The following FARS2 variants were observed in gnomAD, a reference collection of about 807,000 sequenced individuals.
FARS2 encodes phenylalanine--tRNA ligase, mitochondrial.
FARS2 carries 40 observed loss-of-function variants against 46.4 expected under a neutral mutation model. The observed-to-expected ratio is 0.86, with a 90% CI of 0.67 to 1.12. FARS2 has a LOEUF of 1.12. Ranked by LOEUF, FARS2 falls within the 50% of genes most tolerant of loss-of-function variation. The pLI, the probability that FARS2 is intolerant of heterozygous loss-of-function variation, is 0.00. For missense variants in FARS2, 513 were observed against 567.9 expected, an observed-to-expected ratio of 0.90 and a Z score of 0.98; for synonymous variants, 234 against 214.9, an observed-to-expected ratio of 1.09 and a Z score of -0.78.
intron 1 of FARS2, among the ~76,000 whole-genome samples, chr6:5,319,669 G>T (rs958628658): frequency 6.6e-6 from 1 of 152,132 alleles, no homozygotes; most frequent in Non-Finnish European, 1.5e-5. Flanking sequence ...AGTTGCCTTG[G>T]TCTCTCACTC....
At chr6:5,405,480 C>CTTTTTTTTTTTTTTTTTTTTTTT (rs398000284) in intron 3 of FARS2, among the ~76,000 whole-genome samples, 6 of 58,952 alleles carry the variant, frequency 1.0e-4, no homozygotes, top group East Asian at 5.1e-4. Context: ...GAGCAAGGTT[C>CTTTTTTTTTTTTTTTTTTTTTTT]TTTTTTTTTT....
At chr6:5,735,064 C>T (rs1025481193) in intron 6 of FARS2, among the ~76,000 whole-genome samples, 3 of 152,152 alleles carry the variant, frequency 2.0e-5, no homozygotes, top group African/African-American at 7.2e-5. Flanking sequence ...TATTAAAATG[C>T]AAAACAGTAT....
intron 6 of FARS2, among the ~76,000 whole-genome samples, chr6:5,704,302 C>T (rs1485224821): frequency 6.6e-6 from 1 of 152,138 alleles, no homozygotes; most frequent in African/African-American, 2.4e-5. Flanking sequence ...CTCCAGGGCC[C>T]CTTTATAAAG....
intron 4 of FARS2, among the ~76,000 whole-genome samples, chr6:5,490,748 A>G (rs1328017370): frequency 6.6e-6 from 1 of 152,216 alleles, no homozygotes. Context: ...TATTGTGAGC[A>G]GCCTTATGCA....
At chr6:5,615,672 G>A (rs1210207184) in intron 6 of FARS2, among the ~76,000 whole-genome samples, 1 of 152,004 alleles carries the variant, frequency 6.6e-6, no homozygotes, top group African/African-American at 2.4e-5. Flanking sequence ...TCAGTGGTGT[G>A]CATATGATCG....
chr6:5,260,988 T>G (rs1366433596), upstream of FARS2: 1 of 1,126,334 alleles, frequency 8.9e-7, no homozygotes, highest in East Asian at 5.2e-5. Flanking sequence ...GGGAGATGCC[T>G]CCGCCCCGCC....
intron 4 of FARS2, among the ~76,000 whole-genome samples, chr6:5,510,831 G>A (rs913708641): frequency 1.8e-4 from 28 of 151,690 alleles, no homozygotes; most frequent in African/African-American, 6.5e-4. Flanking sequence ...AAGTTAATGA[G>A]CCAATGAGAG....
intron 4 of FARS2, among the ~76,000 whole-genome samples, chr6:5,534,844 T>C (rs369510269): frequency 4.0e-4 from 61 of 150,750 alleles, no homozygotes; most frequent in East Asian, 1.7e-3. Context: ...CACGCACGCA[T>C]ACACACTTGC....
At position 5,375,405 on chromosome 6, in the gene FARS2, C is replaced by T. The variant is rs576981766; in HGVS notation, c.612+6223C>T. Among the ~76,000 whole-genome samples the T allele has an allele frequency of 1.8e-3, 272 of 151,968 alleles. 2 individuals are homozygous for T. The highest frequency in any genetic ancestry group is 1.4e-3 in the Non-Finnish European group (97 of 67,848). On this transcript the variant is annotated intron_variant, in intron 2 of 6. Transcript: ENST00000274680. ...AAAATTATTAAATATTATTAAAAGA[C>T]ATAGAAGAACATAAGGAGAGATTTA...
At chr6:5,719,340 C>T (rs1394998178) in intron 6 of FARS2, among the ~76,000 whole-genome samples, 1 of 141,308 alleles carries the variant, frequency 7.1e-6, no homozygotes, top group Admixed American at 7.7e-5. Flanking sequence ...TGTGATCACA[C>T]CACTACACTG....
At chr6:5,417,545 G>A (rs1394707105) in intron 3 of FARS2, among the ~76,000 whole-genome samples, 3 of 152,132 alleles carry the variant, frequency 2.0e-5, no homozygotes, top group East Asian at 1.9e-4. Context: ...TTTTTTAGAG[G>A]TGATATTCCT....
chr6:5,446,213 A>T (rs1264636945), intron 4 of FARS2, among the ~76,000 whole-genome samples: 3 of 152,002 alleles, frequency 2.0e-5, no homozygotes, highest in Non-Finnish European at 4.4e-5. Context: ...AAAAAAAAAA[A>T]AAAAGAAAAT....
intron 3 of FARS2, among the ~76,000 whole-genome samples, chr6:5,407,043 TTATATATATATA>T (rs201074448): frequency 2.4e-5 from 2 of 83,904 alleles, no homozygotes; most frequent in Non-Finnish European, 2.3e-5. Context: ...AGGTGGCAAA[TTATATATATATA>T]TATATATATA....
At chr6:5,757,905 A>G (rs1762291282) in intron 6 of FARS2, among the ~76,000 whole-genome samples, 1 of 152,246 alleles carries the variant, frequency 6.6e-6, no homozygotes, top group Non-Finnish European at 1.5e-5. Context: ...TGTGATGGCA[A>G]GGCCCAGAGC....
intron 3 of FARS2, among the ~76,000 whole-genome samples, chr6:5,411,206 G>T (rs1484751580): frequency 1.3e-5 from 2 of 152,154 alleles, no homozygotes; most frequent in South Asian, 2.1e-4. Context: ...TTAAGCCCAG[G>T]AGTCCAAGGC....
chr6:5,365,054 CAAAA>C (rs991170525), intron 1 of FARS2, among the ~76,000 whole-genome samples: 1 of 146,630 alleles, frequency 6.8e-6, no homozygotes, highest in East Asian at 2.0e-4. Flanking sequence ...GTCTCAGAAA[CAAAA>C]AAAAGCCAAA....
chr6:5,307,278 G>A (rs1302761371), intron 1 of FARS2, among the ~76,000 whole-genome samples: 1 of 152,160 alleles, frequency 6.6e-6, no homozygotes, highest in Non-Finnish European at 1.5e-5. Context: ...TGACTGATGA[G>A]TTGGCTGTCT....
rs189871927 is a variant in FARS2, at chr6:5,300,461, T to C, written c.-22+38801T>C. On this transcript the variant is annotated intron_variant, in intron 1 of 6. Coordinates refer to ENST00000274680, the MANE Select transcript of FARS2 (RefSeq NM_006567.5). ...AAGAGAAGCACATTTGGGTTTGATA[T>C]GGCATTCACATTTAGATAATTTCAT... Among the ~76,000 whole-genome samples, 22 of 152,334 alleles carry C rather than the reference T, an allele frequency of 1.4e-4. No individual in the cohort carries two copies. The East Asian group carries it at 2.9e-3, about 20-fold the overall frequency.
intron 2 of FARS2, among the ~76,000 whole-genome samples, chr6:5,395,389 T>A (rs1326319446): frequency 1.3e-5 from 2 of 152,110 alleles, no homozygotes; most frequent in East Asian, 3.8e-4. Flanking sequence ...AGTAAATACT[T>A]CCTTTTATTA....
Sources: gnomAD v4.1 joint callset for allele counts (sites outside exome capture counted in the v4.1 genomes callset) on GRCh38, gnomAD v4.1.1 for gene constraint, MANE v1.5 for transcripts, NCBI Gene and HGNC (gene_info 2026-07-23, HGNC 2026-07-21) for gene names.